The following IL16 variants were observed in gnomAD, a reference collection of about 807,000 sequenced individuals.
IL16 encodes the protein pro-interleukin-16.
Under a neutral mutation model 110.1 loss-of-function variants are expected in IL16, and 67 were observed. The observed-to-expected ratio is 0.61, with a 90% CI of 0.50 to 0.75. The LOEUF (loss-of-function observed/expected upper bound fraction) is 0.75. Among genes scored for constraint, IL16 ranks in the 30% least tolerant of loss-of-function variants. The probability of loss-of-function intolerance (pLI) is 0.00; values close to 1 mark genes in which losing one functional copy is unlikely to be tolerated. For synonymous variants in IL16, 689 were observed against 662.9 expected, an observed-to-expected ratio of 1.04 and a Z score of -0.61; for missense variants, 1,545 against 1,655.0, an observed-to-expected ratio of 0.93 and a Z score of 1.15.
chr15:81,309,088 T>C lies in IL16; in HGVS notation c.*290T>C, dbSNP rs1204849271. The C allele has an allele frequency of 3.0e-6, 1 of 329,352 alleles. No individual in the cohort carries two copies. The highest frequency in any genetic ancestry group is 5.5e-6 in the Non-Finnish European group (1 of 181,400). The allele number at this position is 329,352 out of a possible 1,614,324, so 20.4% of individuals were successfully genotyped here. ...ACAAATAAAATGGATTTATTAGAAT[T>C]TCATATGACATTCATGCCTGGCTTC... is the stretch of plus-strand genomic sequence containing the variant. On this transcript the variant is annotated 3_prime_UTR_variant, in exon 19 of 19. Transcript: ENST00000683961.
intron 1 of IL16, among the ~76,000 whole-genome samples, chr15:81,210,126 C>T (rs1333964167): frequency 6.6e-6 from 1 of 152,136 alleles, no homozygotes; most frequent in African/African-American, 2.4e-5. Flanking sequence ...ATAAGGAGTC[C>T]TTTCCCCATT....
intron 2 of IL16, among the ~76,000 whole-genome samples, chr15:81,234,917 T>G (rs1262239607): frequency 6.6e-6 from 1 of 152,254 alleles, no homozygotes; most frequent in Non-Finnish European, 1.5e-5. Flanking sequence ...CTTGGACTCC[T>G]CAGAGTTTTC....
At chr15:81,199,184 G>A (rs1285534939) in intron 1 of IL16, among the ~76,000 whole-genome samples, 3 of 152,012 alleles carry the variant, frequency 2.0e-5, no homozygotes, top group Non-Finnish European at 4.4e-5. Context: ...GGAGAAAATA[G>A]GCATGGGGCA....
chr15:81,297,105 A>AG (rs774132514), intron 13 of IL16, 27 bp downstream of exon 13: 1 of 1,598,002 alleles, frequency 6.3e-7, no homozygotes, highest in Non-Finnish European at 8.5e-7. Flanking sequence ...ATCTTCCAAA[A>AG]GGAAGGGTCT....
chr15:81,271,704 C>T (rs1462916628), intron 5 of IL16, among the ~76,000 whole-genome samples: 1 of 152,102 alleles, frequency 6.6e-6, no homozygotes, highest in Admixed American at 6.5e-5. Flanking sequence ...GCTAGGGGCC[C>T]GTGGAGGAGC....
intron 1 of IL16, among the ~76,000 whole-genome samples, chr15:81,214,760 T>C (rs913106162): frequency 6.6e-6 from 1 of 152,222 alleles, no homozygotes; most frequent in African/African-American, 2.4e-5. Context: ...GGAATGCCAA[T>C]GAATTGTAGA....
At chr15:81,235,177 T>C (rs529208297) in intron 2 of IL16, among the ~76,000 whole-genome samples, 23 of 152,246 alleles carry the variant, frequency 1.5e-4, no homozygotes, top group Non-Finnish European at 2.8e-4. Flanking sequence ...AGAGAAAAGA[T>C]AAGGTTGGGG....
intron 17 of IL16, 56 bp from the exon 18 acceptor site, chr15:81,306,364 C>A (rs1157037455): frequency 6.2e-6 from 10 of 1,602,416 alleles, no homozygotes; most frequent in Non-Finnish European, 8.5e-6. Context: ...AAGCCCAGGG[C>A]ATCTGTGGCC....
At chr15:81,211,047 G>A (rs1027060908) in intron 1 of IL16, among the ~76,000 whole-genome samples, 1 of 151,364 alleles carries the variant, frequency 6.6e-6, no homozygotes, top group African/African-American at 2.4e-5. Context: ...AGATTTTTTG[G>A]GTTTTTTGTT....
intron 6 of IL16, among the ~76,000 whole-genome samples, 194 bp from the exon 7 acceptor site, chr15:81,278,623 T>C (rs1899020713): frequency 6.6e-6 from 1 of 151,962 alleles, no homozygotes; most frequent in Non-Finnish European, 1.5e-5. Context: ...TGGAAGAGAG[T>C]GGGTGCCAGA....
intron 1 of IL16, among the ~76,000 whole-genome samples, chr15:81,217,323 A>G (rs1896468438): frequency 6.6e-6 from 1 of 152,234 alleles, no homozygotes; most frequent in African/African-American, 2.4e-5. Flanking sequence ...TGGATGAAAG[A>G]GTACTTTTAT....
In IL16 at chr15:81,225,390, C is replaced by G; in HGVS notation, c.-10C>G. 1 of 1,613,080 alleles carries G rather than the reference C, an allele frequency of 6.2e-7. No individual in the cohort carries two copies. Among genetic ancestry groups the G allele is most frequent in the Non-Finnish European group, 8.5e-7 (1 of 1,179,860 alleles). ...AAAGGAAGAAAGGCAGCTTCACTTC[C>G]TCTTTGAGGATGGAGTCGCACAGCC... On this transcript the variant is annotated 5_prime_UTR_variant, in exon 2 of 19. Transcript: ENST00000683961.
intron 1 of IL16, among the ~76,000 whole-genome samples, chr15:81,198,318 A>T (rs541170027): frequency 1.3e-5 from 2 of 152,134 alleles, no homozygotes; most frequent in Non-Finnish European, 2.9e-5. Context: ...TATATCCCCA[A>T]ACCGAGAGGT....
At chr15:81,295,233 C>T in intron 12 of IL16, 1 of 313,714 alleles carries the variant, frequency 3.2e-6, no homozygotes, top group Non-Finnish European at 5.2e-6. Flanking sequence ...CTGCTCTCTC[C>T]CTCTTTCCTT....
rs750251653 is a variant in IL16 at position 81,292,539 on chromosome 15, T to G, written c.1421-17T>G. 4 of 1,610,456 alleles carry G rather than the reference T, an allele frequency of 2.5e-6. No homozygotes were observed. The highest frequency in any genetic ancestry group is 3.4e-6 in the Non-Finnish European group (4 of 1,177,352). On this transcript the variant is annotated splice_polypyrimidine_tract_variant and intron_variant, in intron 11 of 18. Coordinates refer to ENST00000683961, the MANE Select transcript of IL16 (RefSeq NM_172217.5). ...CTGAAGCTCAGCTGTGAAGATTCTC[T>G]TGTGCTTCCCACACAGGTGTCAAAA...
At chr15:81,203,284 T>G (rs1212780588) in intron 1 of IL16, among the ~76,000 whole-genome samples, 3 of 152,112 alleles carry the variant, frequency 2.0e-5, no homozygotes, top group Admixed American at 1.3e-4. Context: ...CTGTTCACTC[T>G]GATGGTAGTT....
Position 81,292,900 on chromosome 15 carries a change from G to T in IL16, c.1765G>T (p.Val589Leu). Residue 589 changes from valine (V) to leucine (L), a missense_variant, in exon 12 of 19, where the codon GTG becomes TTG. By Grantham distance (32) the Val-to-Leu change is conservative. Around this residue, in one of 3 missense-constraint regions of IL16, gnomAD observed 1,185 missense variants for 1,238.8 expected, o/e 0.96. Coordinates refer to ENST00000683961, the MANE Select transcript of IL16 (RefSeq NM_172217.5). ...LRLKKSFEIL[V>L]RKPMSSKPKP... is the part of the protein sequence containing the mutation. ...ACTGAAGAAATCCTTTGAGATTTTG[G>T]TGAGAAAGCCTATGTCCTCCAAGCC... 5 of 1,614,172 alleles carry T rather than the reference G, an allele frequency of 3.1e-6. No homozygotes were observed. Among genetic ancestry groups the T allele is most frequent in the Non-Finnish European group, 4.2e-6 (5 of 1,180,036 alleles).
intron 1 of IL16, among the ~76,000 whole-genome samples, chr15:81,186,086 A>C (rs537909241): frequency 1.3e-5 from 2 of 152,020 alleles, no homozygotes; most frequent in Non-Finnish European, 2.9e-5. Flanking sequence ...CTGGCAGCCA[A>C]CCCCTCAGTG....
intron 17 of IL16, 116 bp from the exon 18 acceptor site, chr15:81,306,304 A>T: frequency 6.6e-7 from 1 of 1,525,034 alleles, no homozygotes; most frequent in Non-Finnish European, 8.9e-7. Context: ...AGACGTGTTT[A>T]CATGTGCCTG....
Sources: gnomAD v4.1 joint callset for allele counts (sites outside exome capture counted in the v4.1 genomes callset) on GRCh38, gnomAD v4.1.1 for gene constraint, gnomAD v4.1.1 regional missense constraint, MANE v1.5 for transcripts, NCBI Gene and HGNC (gene_info 2026-07-23, HGNC 2026-07-21) for gene names.